The following ERC2 variants were observed in gnomAD, a reference collection of about 807,000 sequenced individuals.
The protein encoded by ERC2 is ELKS/RAB6-interacting/CAST family member 2.
Under a neutral mutation model 114.8 loss-of-function variants are expected in ERC2, and 42 were observed. The ratio of observed to expected loss-of-function variants is 0.37; its 90% CI spans 0.29 to 0.47. The LOEUF (loss-of-function observed/expected upper bound fraction) is 0.47. Among genes scored for constraint, ERC2 ranks in the 20% least tolerant of loss-of-function variants. The pLI is 0.99. For missense variants in ERC2, 939 were observed against 1,150.7 expected (o/e 0.82, Z 2.66); for synonymous variants, 454 against 425.5 (o/e 1.07, Z -0.82).
At chr3:56,050,676 C>T (rs2075721967) in intron 7 of ERC2, among the ~76,000 whole-genome samples, 1 of 152,150 alleles carries the variant, frequency 6.6e-6, no homozygotes, top group African/African-American at 2.4e-5. Flanking sequence ...CTCCCATATT[C>T]TCTCAACACC....
chr3:55,581,440 G>T (rs1195199966), intron 17 of ERC2, among the ~76,000 whole-genome samples: 1 of 152,160 alleles, frequency 6.6e-6, no homozygotes, highest in Non-Finnish European at 1.5e-5. Flanking sequence ...GATTAACTCA[G>T]GGGAGTTACC....
intron 17 of ERC2, among the ~76,000 whole-genome samples, chr3:55,515,322 T>C (rs1405250601): frequency 6.6e-6 from 1 of 150,770 alleles, no homozygotes; most frequent in Admixed American, 6.6e-5. Context: ...TTATTAATAT[T>C]TATCTCTGGG....
intron 2 of ERC2, among the ~76,000 whole-genome samples, chr3:56,417,982 G>A (rs2107192139): frequency 6.6e-6 from 1 of 152,242 alleles, no homozygotes. Flanking sequence ...TTCATCAGAA[G>A]TACTGAAATA....
intron 10 of ERC2, among the ~76,000 whole-genome samples, chr3:55,997,038 G>C (rs2071569755): frequency 6.6e-6 from 1 of 152,204 alleles, no homozygotes; most frequent in Non-Finnish European, 1.5e-5. Flanking sequence ...AGAAAGGAAA[G>C]TATTAACTTT....
At chr3:55,982,178 T>C (rs1030619558) in intron 12 of ERC2, among the ~76,000 whole-genome samples, 1 of 152,164 alleles carries the variant, frequency 6.6e-6, no homozygotes, top group African/African-American at 2.4e-5. Context: ...ATGGAATATA[T>C]TCAATGAACA....
At chr3:56,376,944 T>TA (rs1440983025) in intron 2 of ERC2, among the ~76,000 whole-genome samples, 1 of 152,130 alleles carries the variant, frequency 6.6e-6, no homozygotes, top group Non-Finnish European at 1.5e-5. Flanking sequence ...TGAACTGACT[T>TA]AGCCAGATTC....
intron 17 of ERC2, among the ~76,000 whole-genome samples, chr3:55,634,495 T>A (rs2059880756): frequency 6.6e-6 from 1 of 152,120 alleles, no homozygotes; most frequent in Admixed American, 6.5e-5. Flanking sequence ...GAATCTCTTC[T>A]AAAAAAACGT....
chr3:55,881,388 T>C lies in ERC2; in HGVS notation c.2564+7001A>G, dbSNP rs143574193. ...GTAAATTAAGATGAATTGCACCATA[T>C]CGTCAGATGAGTTAAAAACAAAGGG... On this transcript the variant is annotated intron_variant, in intron 14 of 17. Transcript: ENST00000288221. Among the ~76,000 whole-genome samples the C allele has an allele frequency of 1.1e-4, 17 of 152,242 alleles. No homozygotes were observed. In the East Asian group the frequency reaches 3.3e-3, roughly 29 times the overall value.
chr3:56,464,306 T>C (rs998745870), intron 1 of ERC2, among the ~76,000 whole-genome samples: 1 of 152,222 alleles, frequency 6.6e-6, no homozygotes, highest in African/African-American at 2.4e-5. Context: ...GTTTGCCTCT[T>C]GGCTCCAGTG....
intron 17 of ERC2, among the ~76,000 whole-genome samples, chr3:55,664,323 A>C (rs778638358): frequency 8.5e-5 from 13 of 152,202 alleles, no homozygotes; most frequent in Non-Finnish European, 1.6e-4. Context: ...TCTAAGTTCC[A>C]CTGGCAAATT....
intron 1 of ERC2, among the ~76,000 whole-genome samples, chr3:56,442,901 G>C (rs1193326886): frequency 6.6e-6 from 1 of 152,130 alleles, no homozygotes; most frequent in Non-Finnish European, 1.5e-5. Flanking sequence ...TTGCTCCCTG[G>C]AATGGACTTT....
intron 13 of ERC2, among the ~76,000 whole-genome samples, chr3:55,907,014 A>G (rs2064497430): frequency 6.6e-6 from 1 of 152,154 alleles, no homozygotes; most frequent in African/African-American, 2.4e-5. Flanking sequence ...CTTGAGGGTA[A>G]GGTTTCCTGA....
chr3:55,625,083 T>C (rs2059457628), intron 17 of ERC2, among the ~76,000 whole-genome samples: 1 of 152,102 alleles, frequency 6.6e-6, no homozygotes. Flanking sequence ...AAGAAATAGC[T>C]TAGGCCAGGC....
chr3:56,354,867 T>C (rs1191660859), intron 2 of ERC2, among the ~76,000 whole-genome samples: 1 of 152,254 alleles, frequency 6.6e-6, no homozygotes, highest in Non-Finnish European at 1.5e-5. Flanking sequence ...GCTAATTTAC[T>C]TCTGGAGTTA....
chr3:56,062,440 A>T (rs545306950), intron 7 of ERC2, among the ~76,000 whole-genome samples: 1 of 152,270 alleles, frequency 6.6e-6, no homozygotes, highest in African/African-American at 2.4e-5. Context: ...AGCAGCATCT[A>T]TGATACCTCT....
At chr3:55,550,651 A>C (rs530494420) in intron 17 of ERC2, among the ~76,000 whole-genome samples, 100 of 152,204 alleles carry the variant, frequency 6.6e-4, no homozygotes, top group Non-Finnish European at 1.0e-3. Context: ...CCAAGGTCAC[A>C]CAGCTAGTAA....
At chr3:55,599,696 GTAAGAAA>G (rs2058311485) in intron 17 of ERC2, among the ~76,000 whole-genome samples, 1 of 152,164 alleles carries the variant, frequency 6.6e-6, no homozygotes, top group Non-Finnish European at 1.5e-5. Context: ...GTCATCTATA[GTAAGAAA>G]TTCTCAGTTG....
rs945633193 is a variant in ERC2, at chr3:55,621,160, C to A, written c.*39+62634G>T. The stretch of plus-strand genomic sequence containing the variant: ...CCCCGATTTGACTCTAACTGCCCCC[C>A]CTCCAGCCAGAGTTGGTTTCTTTGA... On this transcript the variant is annotated intron_variant, in intron 17 of 17. Transcript: ENST00000288221. Among the ~76,000 whole-genome samples, 7 of 152,108 alleles carry A rather than the reference C, an allele frequency of 4.6e-5. No individual in the cohort carries two copies. The East Asian group carries it at 9.6e-4, about 21-fold the overall frequency.
At chr3:55,729,661 T>C (rs1393638915) in intron 15 of ERC2, among the ~76,000 whole-genome samples, 2 of 151,286 alleles carry the variant, frequency 1.3e-5, no homozygotes, top group Non-Finnish European at 2.9e-5. Context: ...TAGCGAGACC[T>C]TGTCTCTTCT....
Sources: gnomAD v4.1 joint callset for allele counts (sites outside exome capture counted in the v4.1 genomes callset) on GRCh38, gnomAD v4.1.1 for gene constraint, MANE v1.5 for transcripts, NCBI Gene and HGNC (gene_info 2026-07-23, HGNC 2026-07-21) for gene names.